The following WWOX variants were observed in gnomAD, a reference collection of about 807,000 sequenced individuals.
The protein encoded by WWOX is WW domain-containing oxidoreductase.
A neutral mutation model predicts 46.2 loss-of-function variants in WWOX; 69 were observed. That is an observed-to-expected ratio of 1.49 (90% CI 1.23 to 1.82). The LOEUF is 1.82. WWOX is among the 40% of genes most tolerant of loss of function. The pLI is 0.00. For synonymous variants in WWOX, 359 were observed against 202.6 expected (o/e 1.77, Z -6.56); for missense variants, 919 against 542.6 (o/e 1.69, Z -6.89).
chr16:78,835,737 A>G (rs2051962110), intron 8 of WWOX, among the ~76,000 whole-genome samples: 1 of 152,244 alleles, frequency 6.6e-6, no homozygotes, highest in Non-Finnish European at 1.5e-5. Flanking sequence ...ACTAGGCTCC[A>G]GGGAGAAACG....
intron 8 of WWOX, among the ~76,000 whole-genome samples, chr16:79,108,281 C>G (rs562885290): frequency 3.3e-5 from 5 of 152,360 alleles, no homozygotes; most frequent in African/African-American, 1.2e-4. Context: ...CAGCGGGGTC[C>G]TGCAGTGCCT....
intron 8 of WWOX, among the ~76,000 whole-genome samples, chr16:79,150,538 GC>G (rs2050258816): frequency 6.6e-6 from 1 of 152,150 alleles, no homozygotes; most frequent in Non-Finnish European, 1.5e-5. Flanking sequence ...TCTCTAAGGG[GC>G]AGCCATTATT....
intron 8 of WWOX, among the ~76,000 whole-genome samples, chr16:78,562,755 T>C (rs1297701560): frequency 6.6e-6 from 1 of 152,172 alleles, no homozygotes; most frequent in Non-Finnish European, 1.5e-5. Flanking sequence ...GGAGTTAAGA[T>C]CTTTAACTCA....
At chr16:78,237,183 T>G (rs867026034) in intron 5 of WWOX, among the ~76,000 whole-genome samples, 1 of 152,090 alleles carries the variant, frequency 6.6e-6, no homozygotes, top group African/African-American at 2.4e-5. Flanking sequence ...TTTATGTGCA[T>G]TGGGCATTTT....
At chr16:78,108,375 G>T (rs1461192793) in intron 1 of WWOX, 48 bp from the exon 2 acceptor site, 2 of 1,577,644 alleles carry the variant, frequency 1.3e-6, no homozygotes, top group Non-Finnish European at 1.7e-6. Context: ...TTACTTTTTA[G>T]AAGAGTTAAT....
chr16:78,459,252 C>G (rs1330610112), intron 8 of WWOX, among the ~76,000 whole-genome samples: 2 of 152,202 alleles, frequency 1.3e-5, no homozygotes, highest in African/African-American at 2.4e-5. Flanking sequence ...TAAGTTCACA[C>G]TGAAAGAGAG....
chr16:78,869,730 A>G (rs2044085399), intron 8 of WWOX, among the ~76,000 whole-genome samples: 1 of 152,220 alleles, frequency 6.6e-6, no homozygotes, highest in Non-Finnish European at 1.5e-5. Flanking sequence ...GCTGAGTTGT[A>G]GATTTCTAGT....
chr16:78,934,465 C>T (rs867308361), intron 8 of WWOX, among the ~76,000 whole-genome samples: 8 of 143,530 alleles, frequency 5.6e-5, no homozygotes, highest in African/African-American at 1.6e-4. Flanking sequence ...ACTGTGATCA[C>T]GCCACTGCAC....
chr16:78,239,801 C>T (rs772402097), intron 5 of WWOX, among the ~76,000 whole-genome samples: 1 of 152,104 alleles, frequency 6.6e-6, no homozygotes. Flanking sequence ...TCCCAAAATG[C>T]CGGGATTATA....
chr16:78,645,398 G>C (rs575580191), intron 8 of WWOX, among the ~76,000 whole-genome samples: 20 of 152,232 alleles, frequency 1.3e-4, no homozygotes, highest in Admixed American at 1.1e-3. Context: ...AGTCCAAAAT[G>C]GGTCTGTCTT....
At chr16:78,748,322 A>T (rs1222415677) in intron 8 of WWOX, among the ~76,000 whole-genome samples, 1 of 152,234 alleles carries the variant, frequency 6.6e-6, no homozygotes, top group Admixed American at 6.5e-5. Context: ...CTCTATGCAA[A>T]TAATTACTGT....
chr16:78,308,532 G>A (rs72792326), intron 5 of WWOX, among the ~76,000 whole-genome samples: 7,918 of 152,142 alleles, frequency 0.052, 337 homozygotes, highest in Admixed American at 0.13. Flanking sequence ...AGCAGGCATG[G>A]AAAGAAATCA....
At chr16:78,658,015 G>C (rs756965391) in intron 8 of WWOX, among the ~76,000 whole-genome samples, 2 of 151,938 alleles carry the variant, frequency 1.3e-5, no homozygotes, top group East Asian at 3.9e-4. Context: ...CTCAACCTTG[G>C]CACTATTGAC....
chr16:78,825,543 G>A (rs2051628769), intron 8 of WWOX: 1 of 528,110 alleles, frequency 1.9e-6, no homozygotes, highest in Non-Finnish European at 3.8e-6. Flanking sequence ...GCTTTATGCT[G>A]AAAAGGTGGC....
chr16:78,475,852 C>T (rs1454528517), intron 8 of WWOX, among the ~76,000 whole-genome samples: 4 of 152,178 alleles, frequency 2.6e-5, no homozygotes, highest in Non-Finnish European at 5.9e-5. Context: ...ACCTCAACCT[C>T]CCAAAATGCT....
At chr16:78,718,982 T>A (rs937289351) in intron 8 of WWOX, among the ~76,000 whole-genome samples, 7 of 151,910 alleles carry the variant, frequency 4.6e-5, no homozygotes, top group African/African-American at 7.3e-5. Context: ...TTTTTTTGAG[T>A]CTGTAAGATC....
At chr16:78,712,667 TAA>T (rs1212845839) in intron 8 of WWOX, among the ~76,000 whole-genome samples, 22 of 152,256 alleles carry the variant, frequency 1.4e-4, no homozygotes, top group African/African-American at 4.8e-4. Context: ...TAGATAGTAT[TAA>T]GAGAGTAGCC....
intron 8 of WWOX, among the ~76,000 whole-genome samples, chr16:79,125,985 A>G (rs1271304099): frequency 6.6e-6 from 1 of 152,194 alleles, no homozygotes; most frequent in African/African-American, 2.4e-5. Context: ...CACCTCTTTC[A>G]GTACATACAT....
intron 8 of WWOX, among the ~76,000 whole-genome samples, chr16:78,621,631 G>A (rs9923839): frequency 2.0e-4 from 7 of 34,222 alleles, no homozygotes; most frequent in South Asian, 1.3e-3. Context: ...TTGAGACAGA[G>A]TCTTGCTCTG....
Sources: allele counts gnomAD v4.1 joint callset (sites outside exome capture counted in the v4.1 genomes callset), GRCh38; gene constraint gnomAD v4.1.1; transcripts MANE v1.5; gene names NCBI Gene and HGNC (gene_info 2026-07-23, HGNC 2026-07-21).